The following ELF4 variants were observed in gnomAD, a reference collection of about 807,000 sequenced individuals.
ELF4 encodes the protein E74 like ETS transcription factor 4.
In ELF4, 10 loss-of-function variants were observed where a neutral mutation model predicts 31.7. The observed-to-expected ratio is 0.32, with a 90% CI of 0.19 to 0.54. The LOEUF is 0.54. Ranked by LOEUF, ELF4 falls within the 20% of genes least tolerant of loss-of-function variation. ELF4 has a pLI of 0.95. For synonymous variants in ELF4, 208 were observed against 226.7 expected, an observed-to-expected ratio of 0.92 and a Z score of 0.74; for missense variants, 418 against 522.0, an observed-to-expected ratio of 0.80 and a Z score of 1.94.
At chrX:130,070,629 G>A (rs1267482561) in intron 7 of ELF4, among the ~76,000 whole-genome samples, 1 of 105,341 alleles carries the variant, frequency 9.5e-6, no homozygotes, top group East Asian at 2.9e-4. Flanking sequence ...AAAATTAGCT[G>A]AGCGTGGTGG....
intron 1 of ELF4, among the ~76,000 whole-genome samples, chrX:130,090,228 CCAGGTGTGGTGG>C (rs1261170150): frequency 3.6e-5 from 4 of 110,911 alleles, no homozygotes; most frequent in African/African-American, 1.3e-4. Flanking sequence ...CAAAAATTAG[CCAGGTGTGGTGG>C]CGCCCTCCTG....
intron 1 of ELF4, among the ~76,000 whole-genome samples, chrX:130,094,853 C>T (rs1217023030): frequency 1.8e-5 from 2 of 111,476 alleles, no homozygotes; most frequent in African/African-American, 6.5e-5. Context: ...GGTTTGGTTA[C>T]AAGCCTGGCT....
At position 130,069,402 on chromosome X, in the gene ELF4, G is replaced by A. The variant is rs1319594322; in HGVS notation, c.1085C>T (p.Ala362Val). ...TAGCGACGGTCCCAATTCCAGACTC[G>A]CAGATGGCTGGAGACCGACATGCTG... ...KIQHVGLQPS[A>V]SLELGPSLDE... The change falls in exon 8 of 9, where the codon GCG (alanine) becomes GTG (valine). Residue 362 changes from alanine to valine, a missense_variant. Ala to Val is a moderately conservative substitution (Grantham distance 64). Transcript: ENST00000308167. 5.8e-6 allele frequency: 7 copies of A among 1,210,473 alleles called. No individual in the cohort carries two copies. In the Admixed American group the frequency reaches 8.7e-5, roughly 15 times the overall value.
chrX:130,095,957 G>A (rs895572228), intron 1 of ELF4, among the ~76,000 whole-genome samples: 1 of 111,527 alleles, frequency 9.0e-6, no homozygotes, highest in Admixed American at 9.5e-5. Flanking sequence ...GACTAATCAC[G>A]GGGCCCACCC....
At chrX:130,083,562 G>A (rs1366153782) in intron 1 of ELF4, among the ~76,000 whole-genome samples, 2 of 111,341 alleles carry the variant, frequency 1.8e-5, no homozygotes, top group African/African-American at 6.5e-5. Context: ...CCTTCCCTTC[G>A]GGCTTGCTCA....
At chrX:130,089,653 C>T (rs1361357456) in intron 1 of ELF4, among the ~76,000 whole-genome samples, 2 of 110,862 alleles carry the variant, frequency 1.8e-5, no homozygotes, top group South Asian at 7.5e-4. Context: ...AAGTGACTTG[C>T]TCAAGGTGAC....
intron 1 of ELF4, among the ~76,000 whole-genome samples, chrX:130,107,833 G>A (rs1234456101): frequency 8.9e-6 from 1 of 112,883 alleles, no homozygotes; most frequent in Non-Finnish European, 1.9e-5. Flanking sequence ...TGACAGATAA[G>A]GAAACTGGGG....
At chrX:130,097,394 G>A (rs1036448600) in intron 1 of ELF4, among the ~76,000 whole-genome samples, 4 of 109,886 alleles carry the variant, frequency 3.6e-5, no homozygotes, top group South Asian at 3.9e-4. Flanking sequence ...TTGAGATCGC[G>A]CCACTGCACT....
chrX:130,072,676 G>A (rs990378925), intron 4 of ELF4, among the ~76,000 whole-genome samples: 1 of 112,178 alleles, frequency 8.9e-6, no homozygotes, highest in African/African-American at 3.2e-5. Flanking sequence ...AGTTCTAGGC[G>A]GCACCCCAGG....
At position 130,094,577 on chromosome X, in the gene ELF4, AAG is replaced by A. The variant is rs201215451; in HGVS notation, c.-209-13040_-209-13039del. ...GGAGACTCCATCTCAAAAAAAAAAA[AAG>A]AGAGAGAGAGAGAGCAGGGTCCCAC... is the stretch of plus-strand genomic sequence containing the variant. On this transcript the variant is annotated intron_variant, in intron 1 of 8. Transcript: ENST00000308167. Among the ~76,000 whole-genome samples the A allele has an allele frequency of 6.8e-3, 725 of 107,036 alleles. 3 individuals are homozygous for A. The highest frequency in any genetic ancestry group is 0.024 in the African/African-American group (701 of 29,432). The allele number at this position is 107,036 out of a possible 115,157, so 92.9% of individuals were successfully genotyped here. A position where few individuals can be genotyped will look rare whatever the true frequency, so the allele number is the denominator to read the frequency against.
At chrX:130,101,448 C>T (rs58925411) in intron 1 of ELF4, among the ~76,000 whole-genome samples, 1,996 of 111,923 alleles carry the variant, frequency 0.018, 34 homozygotes, top group African/African-American at 0.062. Flanking sequence ...AAAAGATAAG[C>T]ATCATCTAAA....
intron 1 of ELF4, among the ~76,000 whole-genome samples, chrX:130,108,366 T>C (rs767063042): frequency 9.1e-6 from 1 of 110,330 alleles, no homozygotes; most frequent in South Asian, 3.8e-4. Flanking sequence ...AAACTGGATG[T>C]AAAATTACAT....
chrX:130,086,817 G>A (rs1343074206), intron 1 of ELF4, among the ~76,000 whole-genome samples: 1 of 112,595 alleles, frequency 8.9e-6, no homozygotes, highest in Non-Finnish European at 1.9e-5. Context: ...GCTCCAGACG[G>A]TGGACCCCAC....
chrX:130,075,438 G>A (rs1932825960), intron 2 of ELF4, among the ~76,000 whole-genome samples: 1 of 110,270 alleles, frequency 9.1e-6, no homozygotes, highest in Non-Finnish European at 1.9e-5. Context: ...CACCACACCT[G>A]TCTAATTTTT....
At chrX:130,106,148 C>T (rs1199347743) in intron 1 of ELF4, among the ~76,000 whole-genome samples, 1 of 108,259 alleles carries the variant, frequency 9.2e-6, no homozygotes, top group East Asian at 2.9e-4. Context: ...CCCTTGCTTC[C>T]CCCTCTCCCC....
At chrX:130,107,695 C>T (rs1247497491) in intron 1 of ELF4, among the ~76,000 whole-genome samples, 1 of 112,389 alleles carries the variant, frequency 8.9e-6, no homozygotes, top group Non-Finnish European at 1.9e-5. Context: ...GAGTTTTAGG[C>T]GCTGCATTAG....
intron 1 of ELF4, among the ~76,000 whole-genome samples, chrX:130,083,832 C>CTGGATGGATGGATGGATGGA (rs773641555): frequency 1.5e-4 from 16 of 103,231 alleles, no homozygotes; most frequent in East Asian, 1.5e-3. Flanking sequence ...GGATGGATGG[C>CTGGATGGATGGATGGATGGA]TGGATGGATG....
chrX:130,111,429 G>T (rs1054997354), upstream of ELF4, among the ~76,000 whole-genome samples: 5 of 113,019 alleles, frequency 4.4e-5, no homozygotes, highest in Non-Finnish European at 9.4e-5. Context: ...AGCTCCTGGG[G>T]TGTGCAGGCC....
chrX:130,065,904 CTG>C lies in ELF4; in HGVS notation c.*815_*816del, dbSNP rs1229947852. The C allele has an allele frequency of 1.2e-5, 2 of 173,714 alleles. No individual in the cohort carries two copies. The highest frequency in any genetic ancestry group is 5.9e-5 in the African/African-American group (2 of 33,924). The allele number at this position is 173,714 out of a possible 1,213,427, so 14.3% of individuals were successfully genotyped here. A position where few individuals can be genotyped will look rare whatever the true frequency, so the allele number is the denominator to read the frequency against. ...AGATTCCAGCCTGACTGCAAGGTGACTGTGGTTGCTAACACGGCAAACTCCAG... is the reference window on the plus strand; with the variant it reads ...AGATTCCAGCCTGACTGCAAGGTGACTGGTTGCTAACACGGCAAACTCCAG... On this transcript the variant is annotated 3_prime_UTR_variant, in exon 9 of 9. Coordinates refer to ENST00000308167, the MANE Select transcript of ELF4 (RefSeq NM_001421.4).
Sources: gnomAD v4.1 joint callset for allele counts (sites outside exome capture counted in the v4.1 genomes callset) on GRCh38, gnomAD v4.1.1 for gene constraint, MANE v1.5 for transcripts, NCBI Gene and HGNC (gene_info 2026-07-23, HGNC 2026-07-21) for gene names.